RBMS3: variants seen among roughly 807,000 people sequenced by gnomAD.
RBMS3 encodes RNA binding motif single stranded interacting protein 3.
A neutral mutation model predicts 66.8 loss-of-function variants in RBMS3; 27 were observed. The ratio of observed to expected loss-of-function variants is 0.40; its 90% CI spans 0.30 to 0.56. The LOEUF (loss-of-function observed/expected upper bound fraction) is 0.56. Among genes scored for constraint, RBMS3 ranks in the 20% least tolerant of loss-of-function variants. RBMS3 has a pLI of 0.40. For synonymous variants in RBMS3, 188 were observed against 183.0 expected (o/e 1.03, Z -0.22); for missense variants, 513 against 549.5 (o/e 0.93, Z 0.66).
chr3:29,881,381 G>A (rs563008873), intron 7 of RBMS3, among the ~76,000 whole-genome samples: 20 of 152,186 alleles, frequency 1.3e-4, no homozygotes, highest in African/African-American at 3.6e-4. Flanking sequence ...TGTGCTGGGC[G>A]CTTTACAAAC....
At chr3:29,681,949 A>T (rs2051515345) in intron 4 of RBMS3, among the ~76,000 whole-genome samples, 1 of 152,162 alleles carries the variant, frequency 6.6e-6, no homozygotes, top group African/African-American at 2.4e-5. Flanking sequence ...ACAATGGTTG[A>T]ACTAAAATTT....
intron 12 of RBMS3, among the ~76,000 whole-genome samples, chr3:29,950,105 A>T (rs1168071359): frequency 6.6e-6 from 1 of 151,780 alleles, no homozygotes; most frequent in Non-Finnish European, 1.5e-5. Context: ...CCATCCGATT[A>T]TAAGGGAAAG....
intron 2 of RBMS3, among the ~76,000 whole-genome samples, chr3:29,458,839 T>C (rs2042279656): frequency 1.3e-5 from 2 of 152,238 alleles, no homozygotes; most frequent in South Asian, 4.1e-4. Context: ...GCAGGATGAA[T>C]ATTACCACCA....
intron 6 of RBMS3, among the ~76,000 whole-genome samples, chr3:29,795,470 G>C (rs2057152986): frequency 6.6e-6 from 1 of 152,070 alleles, no homozygotes; most frequent in Admixed American, 6.5e-5. Flanking sequence ...TAATTGATTT[G>C]TTTACTAATT....
At chr3:29,965,596 T>C (rs1038527569) in intron 12 of RBMS3, among the ~76,000 whole-genome samples, 9 of 152,150 alleles carry the variant, frequency 5.9e-5, no homozygotes, top group African/African-American at 2.2e-4. Flanking sequence ...TCTTACTGAT[T>C]TGTCTGAGTT....
At chr3:29,595,117 G>A (rs972115710) in intron 4 of RBMS3, among the ~76,000 whole-genome samples, 3 of 152,012 alleles carry the variant, frequency 2.0e-5, no homozygotes, top group African/African-American at 7.2e-5. Flanking sequence ...AAGAAATATC[G>A]GCCAGGTGCA....
chr3:29,698,909 C>T (rs557163731), intron 4 of RBMS3, among the ~76,000 whole-genome samples: 48 of 152,230 alleles, frequency 3.2e-4, no homozygotes, highest in Middle Eastern at 3.4e-3. Flanking sequence ...ATACTATTCA[C>T]TTTTATTCAC....
intron 6 of RBMS3, among the ~76,000 whole-genome samples, chr3:29,866,156 A>G (rs2059359447): frequency 6.6e-6 from 1 of 151,812 alleles, no homozygotes; most frequent in Non-Finnish European, 1.5e-5. Context: ...GAGTAGAAAG[A>G]AGCTTCTGAC....
intron 6 of RBMS3, among the ~76,000 whole-genome samples, chr3:29,839,001 T>G (rs1382700458): frequency 6.6e-6 from 1 of 152,198 alleles, no homozygotes; most frequent in Non-Finnish European, 1.5e-5. Context: ...AATTACCTTT[T>G]GTGAATCCTC....
In RBMS3 at chr3:29,979,420, C is replaced by T. The variant is rs148452719; in HGVS notation, c.1099-8723C>T. ...TGCAGATGGAGTTTTAAATAAGTGT[C>T]ATTTGAAGAAGTTTAGCTAAGATTC... On this transcript the variant is annotated intron_variant, in intron 12 of 14. Transcript: ENST00000383767. 3.3e-5 allele frequency among the ~76,000 whole-genome samples: 5 copies of T among 152,192 alleles called. No individual in the cohort carries two copies. The East Asian group carries it at 9.7e-4, about 29-fold the overall frequency.
intron 3 of RBMS3, among the ~76,000 whole-genome samples, chr3:29,553,789 C>A (rs1185771725): frequency 6.9e-6 from 1 of 144,818 alleles, no homozygotes; most frequent in Non-Finnish European, 1.5e-5. Context: ...TATTACAATA[C>A]CAAAATTAAC....
chr3:29,956,067 A>G (rs551976647), intron 12 of RBMS3, among the ~76,000 whole-genome samples: 2 of 152,230 alleles, frequency 1.3e-5, no homozygotes, highest in African/African-American at 4.8e-5. Flanking sequence ...CTCAAATACT[A>G]CAAGAATTGA....
rs199839156 is a variant in RBMS3, at chr3:29,388,084, G to C, written c.76-46659G>C. Among the ~76,000 whole-genome samples the C allele has an allele frequency of 6.2e-4, 91 of 147,048 alleles. 1 individual carries two copies. Among genetic ancestry groups the C allele is most frequent in the African/African-American group, 2.1e-3 (81 of 38,800 alleles). On this transcript the variant is annotated intron_variant, in intron 1 of 14. Coordinates refer to ENST00000383767, the MANE Select transcript of RBMS3 (RefSeq NM_001003793.3). ...CAACCAAACTGTCTACACACACACAGACACACACACACACACACACACACA... is the reference window on the plus strand; with the variant it reads ...CAACCAAACTGTCTACACACACACACACACACACACACACACACACACACA...
At chr3:29,408,243 G>GCC (rs1406686035) in intron 1 of RBMS3, among the ~76,000 whole-genome samples, 10 of 133,712 alleles carry the variant, frequency 7.5e-5, no homozygotes, top group African/African-American at 2.9e-4. Context: ...CTGCACTCCA[G>GCC]CCTGGATGAC....
intron 12 of RBMS3, among the ~76,000 whole-genome samples, chr3:29,954,678 C>T (rs1695906395): frequency 6.6e-6 from 1 of 152,006 alleles, no homozygotes; most frequent in African/African-American, 2.4e-5. Context: ...ATGCAATCTT[C>T]CTTTTTCATG....
intron 3 of RBMS3, among the ~76,000 whole-genome samples, chr3:29,529,844 T>C (rs2045280630): frequency 6.6e-6 from 1 of 152,194 alleles, no homozygotes; most frequent in Non-Finnish European, 1.5e-5. Flanking sequence ...TATGGCATTG[T>C]TTGTAAAATT....
chr3:29,762,420 G>T (rs1259831242), intron 5 of RBMS3, among the ~76,000 whole-genome samples: 1 of 152,124 alleles, frequency 6.6e-6, no homozygotes, highest in Admixed American at 6.5e-5. Context: ...AAATCCATCA[G>T]CAGTATAGCT....
At chr3:29,936,317 T>C in intron 11 of RBMS3, 121 bp downstream of exon 11, 2 of 938,444 alleles carry the variant, frequency 2.1e-6, no homozygotes, top group Non-Finnish European at 3.3e-6. Context: ...AACACATCTT[T>C]CAGGTTTCAG....
intron 12 of RBMS3, among the ~76,000 whole-genome samples, chr3:29,966,078 A>C (rs1009011072): frequency 2.0e-5 from 3 of 152,034 alleles, no homozygotes; most frequent in African/African-American, 7.2e-5. Context: ...ATTCTGTTCC[A>C]TTGGTCTATG....
Sources: gnomAD v4.1 joint callset for allele counts (sites outside exome capture counted in the v4.1 genomes callset) on GRCh38, gnomAD v4.1.1 for gene constraint, MANE v1.5 for transcripts, NCBI Gene and HGNC (gene_info 2026-07-23, HGNC 2026-07-21) for gene names.